Variants in STK39 observed in about 807,000 individuals in gnomAD.
STK39 encodes the protein serine/threonine kinase 39, also known as STE20/SPS1-related proline-alanine-rich protein kinase.
In STK39, 20 loss-of-function variants were observed where a neutral mutation model predicts 77.8. That is an observed-to-expected ratio of 0.26 (90% CI 0.18 to 0.37). STK39 has a LOEUF of 0.37. Among genes scored for constraint, STK39 ranks in the 10% least tolerant of loss-of-function variants. STK39 has a pLI of 1.00. For synonymous variants in STK39, 246 were observed against 234.1 expected (o/e 1.05, Z -0.47); for missense variants, 479 against 656.5 (o/e 0.73, Z 2.95).
rs115719332 is a variant in STK39, at chr2:168,103,593, G to T, written c.1089+25948C>A. On this transcript the variant is annotated intron_variant, in intron 10 of 17. Coordinates refer to ENST00000355999, the MANE Select transcript of STK39 (RefSeq NM_013233.3). ...GGGCCCAGCAGGATAAAGGAAGAAA[G>T]CAATGATTCTTTGCACATTCATGAA... Among the ~76,000 whole-genome samples the T allele has an allele frequency of 4.8e-3, 734 of 152,292 alleles. 1 individual carries two copies. Among genetic ancestry groups the T allele is most frequent in the Non-Finnish European group, 8.7e-3 (593 of 68,026 alleles).
chr2:168,101,296 G>A (rs1287638077), intron 10 of STK39, among the ~76,000 whole-genome samples: 1 of 152,102 alleles, frequency 6.6e-6, no homozygotes, highest in African/African-American at 2.4e-5. Flanking sequence ...CATGGCACAT[G>A]TATACCTATG....
chr2:168,179,342 A>G (rs1689027017), intron 2 of STK39, among the ~76,000 whole-genome samples: 1 of 152,218 alleles, frequency 6.6e-6, no homozygotes, highest in African/African-American at 2.4e-5. Context: ...TCATGTGCCA[A>G]TAACTGGGCC....
chr2:168,206,596 C>A (rs1198800766), intron 1 of STK39, among the ~76,000 whole-genome samples: 1 of 152,136 alleles, frequency 6.6e-6, no homozygotes, highest in African/African-American at 2.4e-5. Flanking sequence ...CCACCACGCC[C>A]GGCTGAGATC....
intron 10 of STK39, among the ~76,000 whole-genome samples, chr2:168,090,620 C>T (rs1484195012): frequency 6.6e-6 from 1 of 152,192 alleles, no homozygotes; most frequent in East Asian, 1.9e-4. Context: ...TAGTGCACAA[C>T]AGGTACCGTA....
At chr2:167,965,627 C>A (rs898118683) in intron 16 of STK39, among the ~76,000 whole-genome samples, 1 of 152,104 alleles carries the variant, frequency 6.6e-6, no homozygotes, top group African/African-American at 2.4e-5. Context: ...CAAATAAGGG[C>A]TATTGCTTAG....
At position 168,030,846 on chromosome 2, in the gene STK39, T is replaced by C. The variant is rs1482398279; in HGVS notation, c.1377-13751A>G. ...AAATGATTATTTATAAAATACATAG[T>C]TGCACAGAAAGTAACATTGTTCCTA... On this transcript the variant is annotated intron_variant, in intron 14 of 17. Coordinates refer to ENST00000355999, the MANE Select transcript of STK39 (RefSeq NM_013233.3). 5.3e-5 allele frequency among the ~76,000 whole-genome samples: 8 copies of C among 152,310 alleles called. No individual in the cohort carries two copies. The South Asian group carries it at 8.3e-4, about 16-fold the overall frequency.
At chr2:168,229,921 C>G (rs1387454159) in intron 1 of STK39, among the ~76,000 whole-genome samples, 1 of 152,126 alleles carries the variant, frequency 6.6e-6, no homozygotes, top group Non-Finnish European at 1.5e-5. Flanking sequence ...CTCCTGAAGC[C>G]ACTTCTACAG....
Position 168,170,706 on chromosome 2 carries a change from G to A in STK39, c.322-3299C>T, listed in dbSNP as rs1171603587. Among the ~76,000 whole-genome samples, 5 of 152,202 alleles carry A rather than the reference G, an allele frequency of 3.3e-5. No homozygotes were observed. In the East Asian group the frequency reaches 7.7e-4, roughly 23 times the overall value. ...GGGATGTGAGAGGAGGGACACAGAC[G>A]ACTGCAAGGAAGCCGACAGTGTCAA... On this transcript the variant is annotated intron_variant, in intron 2 of 17. Coordinates refer to ENST00000355999, the MANE Select transcript of STK39 (RefSeq NM_013233.3).
chr2:168,104,954 G>A (rs1686930055), intron 10 of STK39, among the ~76,000 whole-genome samples: 1 of 152,142 alleles, frequency 6.6e-6, no homozygotes, highest in Non-Finnish European at 1.5e-5. Context: ...AGTACATTAG[G>A]TAGTAACAAA....
At chr2:168,049,494 C>T (rs1224477512) in intron 14 of STK39, among the ~76,000 whole-genome samples, 1 of 152,152 alleles carries the variant, frequency 6.6e-6, no homozygotes, top group Non-Finnish European at 1.5e-5. Context: ...TGAGGACCTA[C>T]CAGGATCAGA....
intron 1 of STK39, among the ~76,000 whole-genome samples, chr2:168,218,009 C>T (rs1473928373): frequency 6.6e-6 from 1 of 152,182 alleles, no homozygotes. Flanking sequence ...CACTAAAAGT[C>T]TCTTTATTTT....
chr2:168,087,045 T>C (rs10203297), intron 10 of STK39, among the ~76,000 whole-genome samples: 68,159 of 152,114 alleles, frequency 0.45, 16,364 homozygotes, highest in East Asian at 0.55. Context: ...TCTGTAACTT[T>C]AGCTAATAAA....
At chr2:168,084,539 G>A (rs897172024) in intron 10 of STK39, among the ~76,000 whole-genome samples, 12 of 152,182 alleles carry the variant, frequency 7.9e-5, no homozygotes, top group African/African-American at 2.7e-4. Context: ...GAAGCTAGAG[G>A]AAAGGAGGAC....
chr2:168,162,286 C>CAAAAAAAAA (rs5836174), intron 4 of STK39, among the ~76,000 whole-genome samples: 2 of 85,696 alleles, frequency 2.3e-5, no homozygotes, highest in Non-Finnish European at 4.8e-5. Context: ...AACTTGGTCT[C>CAAAAAAAAA]AAAAAAAAAA....
chr2:168,104,287 G>T (rs1413558252), intron 10 of STK39, among the ~76,000 whole-genome samples: 1 of 151,912 alleles, frequency 6.6e-6, no homozygotes. Flanking sequence ...TTTACCAGAA[G>T]AATAAATCTA....
chr2:168,166,026 T>C (rs1688687247), intron 3 of STK39, among the ~76,000 whole-genome samples: 1 of 152,176 alleles, frequency 6.6e-6, no homozygotes, highest in South Asian at 2.1e-4. Context: ...CTTTCTAAGC[T>C]TCAGTGCCCA....
intron 10 of STK39, among the ~76,000 whole-genome samples, chr2:168,126,163 T>C (rs1687535669): frequency 6.6e-6 from 1 of 152,106 alleles, no homozygotes; most frequent in Non-Finnish European, 1.5e-5. Context: ...CACTCATGTG[T>C]CAATGGACTG....
chr2:168,054,975 C>T (rs1260911652), intron 14 of STK39, among the ~76,000 whole-genome samples: 5 of 152,138 alleles, frequency 3.3e-5, no homozygotes, highest in Admixed American at 2.0e-4. Flanking sequence ...CTGATCTCTC[C>T]GCCTACATGG....
Position 168,093,134 on chromosome 2 carries a change from G to A in STK39, c.1090-17903C>T, listed in dbSNP as rs576688155. 7.5e-4 allele frequency among the ~76,000 whole-genome samples: 114 copies of A among 152,312 alleles called. 1 individual carries two copies. Among genetic ancestry groups the A allele is most frequent in the Non-Finnish European group, 2.5e-4 (17 of 68,030 alleles). ...TTTCCTCCCATCTTCCAAACAGTCT[G>A]TAAGTCAGAAAGCAGGGAGTCAGTC... On this transcript the variant is annotated intron_variant, in intron 10 of 17. Transcript: ENST00000355999.
Sources: allele counts gnomAD v4.1 joint callset (sites outside exome capture counted in the v4.1 genomes callset), GRCh38; gene constraint gnomAD v4.1.1; transcripts MANE v1.5; gene names NCBI Gene and HGNC (gene_info 2026-07-23, HGNC 2026-07-21).